ARL17A: variants seen among roughly 807,000 people sequenced by gnomAD.
ARL17A encodes ADP-ribosylation factor-like 17-like.
chr17:46,530,080 CAG>C (rs1395302975), intron 4 of ARL17A, among the ~76,000 whole-genome samples: 1 of 147,554 alleles, frequency 6.8e-6, no homozygotes, highest in Non-Finnish European at 1.5e-5. Context: ...AAAATAGAAA[CAG>C]GGTCTCACTT....
intron 4 of ARL17A, among the ~76,000 whole-genome samples, chr17:46,533,522 GAC>G (rs2054056134): frequency 7.1e-6 from 1 of 141,158 alleles, no homozygotes; most frequent in African/African-American, 2.9e-5. Context: ...TTTATTTTGG[GAC>G]AGAGTCTCAC....
chr17:46,534,911 GCTC>G (rs1227534765), intron 4 of ARL17A, among the ~76,000 whole-genome samples: 4 of 149,192 alleles, frequency 2.7e-5, no homozygotes, highest in African/African-American at 5.1e-5. Flanking sequence ...GGGCGGAGGG[GCTC>G]CTCACTTCTC....
chr17:46,529,169 C>G (rs961931890), intron 4 of ARL17A, among the ~76,000 whole-genome samples: 1 of 137,354 alleles, frequency 7.3e-6, no homozygotes, highest in African/African-American at 2.7e-5. Context: ...GCTCATCTAT[C>G]TGGACCTGTA....
At chr17:46,532,763 GAAC>G (rs2053888579) in intron 4 of ARL17A, among the ~76,000 whole-genome samples, 1 of 147,220 alleles carries the variant, frequency 6.8e-6, no homozygotes, top group East Asian at 1.9e-4. Context: ...ATGTCTCTAA[GAAC>G]AATAGTAATG....
the ARL17A span, among the ~76,000 whole-genome samples, chr17:46,502,810 G>A: frequency 6.6e-6 from 1 of 151,208 alleles, no homozygotes; most frequent in Non-Finnish European, 1.5e-5. Context: ...ACAACTGTCT[G>A]TACCACCCAG....
the ARL17A span, among the ~76,000 whole-genome samples, chr17:46,501,711 T>C: frequency 6.6e-6 from 1 of 151,260 alleles, no homozygotes; most frequent in Non-Finnish European, 1.5e-5. Flanking sequence ...TGATATCTCA[T>C]TGTATGCCTC....
chr17:46,557,219 A>G lies in ARL17A; in HGVS notation c.*137T>C, dbSNP rs1293089588. 1 of 547,118 alleles carries G rather than the reference A, an allele frequency of 1.8e-6. No homozygotes were observed. Among genetic ancestry groups the G allele is most frequent in the Non-Finnish European group, 3.2e-6 (1 of 314,660 alleles). The allele number at this position is 547,118 out of a possible 1,614,324, so 33.9% of individuals were successfully genotyped here. A position where few individuals can be genotyped will look rare whatever the true frequency, so the allele number is the denominator to read the frequency against. ...TATATATTTCTTCTTATGTTACACTACCCCAGATAGGAAAACAGAAATTAC... is the reference window on the plus strand; with the variant it reads ...TATATATTTCTTCTTATGTTACACTGCCCCAGATAGGAAAACAGAAATTAC... On this transcript the variant is annotated 3_prime_UTR_variant, in exon 4 of 4. Transcript: ENST00000336125.
chr17:46,532,309 GAA>G (rs1174016983), intron 4 of ARL17A, among the ~76,000 whole-genome samples: 1 of 150,222 alleles, frequency 6.7e-6, no homozygotes, highest in Non-Finnish European at 1.5e-5. Flanking sequence ...ATACTCCGTT[GAA>G]TTTGGTTTGC....
intron 4 of ARL17A, among the ~76,000 whole-genome samples, chr17:46,535,102 A>G (rs2054467092): frequency 1.3e-5 from 2 of 148,286 alleles, no homozygotes; most frequent in Admixed American, 6.6e-5. Context: ...CTCTATTGCC[A>G]GTGCTGGTAT....
chr17:46,521,298 C>T (rs2667914), intron 3 of ARL17A, among the ~76,000 whole-genome samples: 1 of 54,960 alleles, frequency 1.8e-5, no homozygotes, highest in African/African-American at 6.3e-5. Context: ...AACAGATTCT[C>T]TCAAATATAG....
chr17:46,516,280 G>A (rs1280073903), downstream of ARL17A, among the ~76,000 whole-genome samples: 4 of 120,616 alleles, frequency 3.3e-5, no homozygotes, highest in African/African-American at 8.7e-5. Context: ...TCCAGCCTGG[G>A]CGACAGAGCA....
downstream of ARL17A, among the ~76,000 whole-genome samples, chr17:46,551,194 G>C (rs1217990086): frequency 2.0e-5 from 3 of 149,168 alleles, no homozygotes; most frequent in Admixed American, 6.6e-5. Context: ...TGCTCAGCTT[G>C]CATCAACTTA....
At chr17:46,542,884 AG>A (rs1410452247) in intron 3 of ARL17A, among the ~76,000 whole-genome samples, 1 of 150,184 alleles carries the variant, frequency 6.7e-6, no homozygotes, top group East Asian at 2.0e-4. Flanking sequence ...TAGCATGGAA[AG>A]GGCCCTTCAT....
In ARL17A at chr17:46,520,924, A is replaced by T. The variant is rs186302550; in HGVS notation, c.260-3691T>A. On this transcript the variant is annotated intron_variant, in intron 3 of 4. Transcript: ENST00000445552. ...GGAATTAAATTAACATTTAAATATT[A>T]AAAATAGCTGAATTATATCAATATT... Among the ~76,000 whole-genome samples the T allele has an allele frequency of 1.7e-3, 134 of 80,426 alleles. 39 individuals carry two copies. Among genetic ancestry groups the T allele is most frequent in the African/African-American group, 4.7e-3 (131 of 27,588 alleles). The allele number at this position is 80,426 out of a possible 152,430, so 52.8% of individuals were successfully genotyped here.
downstream of ARL17A, chr17:46,548,696 G>A: frequency 2.5e-6 from 4 of 1,609,110 alleles, no homozygotes; most frequent in African/African-American, 2.8e-5. Flanking sequence ...GGAAGGCAGA[G>A]CATCAGGAGG....
At chr17:46,551,436 C>T (rs1181316301), downstream of ARL17A, among the ~76,000 whole-genome samples, 2 of 149,352 alleles carry the variant, frequency 1.3e-5, no homozygotes, top group Non-Finnish European at 2.9e-5. Context: ...TCCATTCCAG[C>T]CACAGCAGCC....
At chr17:46,502,856 C>T in the ARL17A span, among the ~76,000 whole-genome samples, 7 of 150,860 alleles carry the variant, frequency 4.6e-5, no homozygotes, top group South Asian at 8.3e-4. Flanking sequence ...CTAGATGTTC[C>T]GAAAGTCTCC....
chr17:46,568,514 A>AG (rs1294615861), intron 3 of ARL17A, among the ~76,000 whole-genome samples: 2 of 109,052 alleles, frequency 1.8e-5, no homozygotes, highest in African/African-American at 7.8e-5. Context: ...AAAAAAAAAG[A>AG]GGGGGGGAGG....
intron 2 of ARL17A, among the ~76,000 whole-genome samples, chr17:46,575,176 C>T (rs2057757891): frequency 9.0e-6 from 1 of 111,250 alleles, no homozygotes; most frequent in South Asian, 3.9e-4. Flanking sequence ...GTAATGTTCA[C>T]ATGCCACCTG....
Sources: allele counts gnomAD v4.1 joint callset (sites outside exome capture counted in the v4.1 genomes callset), GRCh38; gene constraint gnomAD v4.1.1; transcripts MANE v1.5; gene names NCBI Gene and HGNC (gene_info 2026-07-23, HGNC 2026-07-21).